ODF2L: variants seen among roughly 807,000 people sequenced by gnomAD.
ODF2L encodes outer dense fiber of sperm tails 2 like, also known as protein BCAP.
In ODF2L, 76 loss-of-function variants were observed where a neutral mutation model predicts 86.3. The observed-to-expected ratio is 0.88, with a 90% CI of 0.73 to 1.07. The LOEUF is 1.07. Among genes scored for constraint, ODF2L ranks in the 50% least tolerant of loss-of-function variants. The pLI is 0.00. For missense variants in ODF2L, 748 were observed against 717.4 expected (o/e 1.04, Z -0.49); for synonymous variants, 241 against 231.3 (o/e 1.04, Z -0.38).
At chr1:86,384,124 G>A (rs1660770829) in intron 4 of ODF2L, among the ~76,000 whole-genome samples, 1 of 151,708 alleles carries the variant, frequency 6.6e-6, no homozygotes, top group South Asian at 2.1e-4. Flanking sequence ...CCTAATATTA[G>A]ATAGTTTTTA....
chr1:86,354,844 T>A (rs564536014), exon 15 of ODF2L: 2 of 1,600,510 alleles, frequency 1.2e-6, no homozygotes, highest in Admixed American at 3.4e-5. Flanking sequence ...GTCAGAAGAT[T>A]GTGATTTCCA....
chr1:86,355,424 AT>A (rs1178710326), intron 14 of ODF2L: 7 of 1,249,698 alleles, frequency 5.6e-6, no homozygotes, highest in East Asian at 2.6e-5. Context: ...CAAGGAAAAA[AT>A]TTTTTTCTCA....
chr1:86,355,128 C>A (rs1298550548), intron 14 of ODF2L: 1 of 540,642 alleles, frequency 1.8e-6, no homozygotes, highest in Non-Finnish European at 3.3e-6. Context: ...TTGAACAACA[C>A]CTTATTGAAG....
chr1:86,353,321 G>C (rs942743957), intron 16 of ODF2L, among the ~76,000 whole-genome samples: 3 of 152,166 alleles, frequency 2.0e-5, no homozygotes, highest in East Asian at 1.9e-4. Context: ...AGGGTGTTAA[G>C]AGCAGTGATG....
At chr1:86,353,695 A>G (rs1236093841) in intron 16 of ODF2L, among the ~76,000 whole-genome samples, 3 of 152,134 alleles carry the variant, frequency 2.0e-5, no homozygotes, top group Non-Finnish European at 4.4e-5. Flanking sequence ...ACTCGGTTCT[A>G]AGTTATTATA....
chr1:86,376,343 C>T, exon 8 of ODF2L: 1 of 1,612,478 alleles, frequency 6.2e-7, no homozygotes, highest in Non-Finnish European at 8.5e-7. Flanking sequence ...TGCCTACTTG[C>T]TTCTTTCATC....
At chr1:86,353,274 G>A (rs1275383846) in intron 16 of ODF2L, among the ~76,000 whole-genome samples, 1 of 152,168 alleles carries the variant, frequency 6.6e-6, no homozygotes, top group African/African-American at 2.4e-5. Context: ...AAAACAGACT[G>A]AGACCAATTA....
chr1:86,376,240 C>A (rs1660162856), exon 8 of ODF2L: 1 of 1,599,602 alleles, frequency 6.3e-7, no homozygotes, highest in African/African-American at 1.3e-5. Flanking sequence ...TACCTGATCT[C>A]TAATTTGGGA....
exon 18 of ODF2L, chr1:86,350,701 A>G (rs975998460): frequency 2.6e-5 from 4 of 152,120 alleles, no homozygotes; most frequent in Admixed American, 2.6e-4. Context: ...TGGTTGAACT[A>G]ATTTACACTC....
chr1:86,378,023 G>A (rs976180710), intron 7 of ODF2L, among the ~76,000 whole-genome samples: 1 of 152,118 alleles, frequency 6.6e-6, no homozygotes, highest in African/African-American at 2.4e-5. Flanking sequence ...CCTTTTAAAT[G>A]TATGTTCCAA....
rs541229166 is a variant in ODF2L, at chr1:86,378,092, A to C, written c.625-1674T>G. Among the ~76,000 whole-genome samples the C allele has an allele frequency of 2.6e-5, 4 of 152,326 alleles. No individual in the cohort carries two copies. In the South Asian group the frequency reaches 8.3e-4, roughly 32 times the overall value. ...GAAAGCTTTCAGAATCAACCAGGTC[A>C]TATCTTGAATGTTTTTCTGATTAGA... On this transcript the variant is annotated intron_variant, in intron 7 of 17. Transcript: ENST00000317336.
chr1:86,383,319 T>G lies in ODF2L; in HGVS notation c.373-123A>C, dbSNP rs557090182. ...CTTTTAATTCAGATTTTTAAAAGAG[T>G]TAACAACTGAAAAGATTTTTGCCCT... On this transcript the variant is annotated intron_variant, in intron 4 of 17. Coordinates refer to ENST00000317336, the Ensembl canonical transcript of ODF2L. The G allele has an allele frequency of 1.5e-3, 733 of 504,772 alleles. 2 individuals carry two copies. The highest frequency in any genetic ancestry group is 5.3e-3 in the Middle Eastern group (10 of 1,902). The allele number at this position is 504,772 out of a possible 1,614,324, so 31.3% of individuals were successfully genotyped here.
At chr1:86,377,444 A>G (rs182595232) in intron 7 of ODF2L, among the ~76,000 whole-genome samples, 1 of 152,276 alleles carries the variant, frequency 6.6e-6, no homozygotes, top group Non-Finnish European at 1.5e-5. Context: ...TCACAGCTCC[A>G]CTAGGCAGTG....
At chr1:86,375,574 T>C (rs1660110940) in intron 8 of ODF2L, among the ~76,000 whole-genome samples, 1 of 152,130 alleles carries the variant, frequency 6.6e-6, no homozygotes, top group African/African-American at 2.4e-5. Flanking sequence ...TGAATAAATA[T>C]AATAATTTAT....
At chr1:86,354,620 C>T (rs1432628689) in exon 16 of ODF2L, 1 of 1,610,442 alleles carries the variant, frequency 6.2e-7, no homozygotes, top group Admixed American at 1.7e-5. Context: ...GATTGCTGTG[C>T]TTAAGACATT....
chr1:86,385,515 A>T, exon 3 of ODF2L: 1 of 1,604,796 alleles, frequency 6.2e-7, no homozygotes, highest in Non-Finnish European at 8.5e-7. Context: ...GCAATTCTAC[A>T]GAATGAGTTA....
intron 1 of ODF2L, among the ~76,000 whole-genome samples, chr1:86,388,872 A>C (rs538618948): frequency 1.6e-4 from 25 of 152,276 alleles, no homozygotes; most frequent in African/African-American, 6.0e-4. Flanking sequence ...AAAAATAGGA[A>C]TTCAGAATGA....
At chr1:86,365,251 C>G (rs924033916) in intron 11 of ODF2L, among the ~76,000 whole-genome samples, 3 of 152,100 alleles carry the variant, frequency 2.0e-5, no homozygotes, top group African/African-American at 7.2e-5. Flanking sequence ...AAGTAAAGTA[C>G]TTATCAAGTG....
downstream of ODF2L, chr1:86,348,864 C>T: frequency 1.3e-6 from 2 of 1,548,790 alleles, no homozygotes; most frequent in Non-Finnish European, 1.7e-6. Flanking sequence ...AACACACTTC[C>T]TGATGTTGTG....
Sources: allele counts gnomAD v4.1 joint callset (sites outside exome capture counted in the v4.1 genomes callset), GRCh38; gene constraint gnomAD v4.1.1; transcripts MANE v1.5; gene names NCBI Gene and HGNC (gene_info 2026-07-23, HGNC 2026-07-21).